PALD1: variants seen among roughly 807,000 people sequenced by gnomAD.
PALD1 encodes paladin.
In PALD1, 57 loss-of-function variants were observed where a neutral mutation model predicts 96.0. The observed-to-expected ratio is 0.59, with a 90% confidence interval of 0.48 to 0.74. The LOEUF (loss-of-function observed/expected upper bound fraction) is 0.74. PALD1 is among the 30% of genes least tolerant of loss of function. PALD1 has a pLI of 0.00. For synonymous variants in PALD1, 464 were observed against 473.6 expected (o/e 0.98, Z 0.26); for missense variants, 1,063 against 1,143.7 (o/e 0.93, Z 1.02).
intron 1 of PALD1, among the ~76,000 whole-genome samples, chr10:70,495,047 T>C (rs1846166869): frequency 6.6e-6 from 1 of 152,202 alleles, no homozygotes; most frequent in African/African-American, 2.4e-5. Context: ...CAAGGCTGTG[T>C]GCACAAGGAT....
intron 1 of PALD1, among the ~76,000 whole-genome samples, chr10:70,492,226 C>T (rs1165666480): frequency 6.6e-6 from 1 of 152,090 alleles, no homozygotes; most frequent in African/African-American, 2.4e-5. Context: ...TACTAAAAAT[C>T]ATTAAGTCAT....
chr10:70,524,601 T>C (rs909461050), intron 1 of PALD1, among the ~76,000 whole-genome samples: 7 of 152,240 alleles, frequency 4.6e-5, no homozygotes, highest in Admixed American at 4.6e-4. Flanking sequence ...TAACTCATGC[T>C]AGCATCCTGG....
upstream of PALD1, among the ~76,000 whole-genome samples, chr10:70,478,021 C>T (rs112704275): frequency 0.017 from 2,625 of 151,628 alleles, 79 homozygotes; most frequent in African/African-American, 0.059. Flanking sequence ...TAGTGCTAGT[C>T]CGCGCGTGTG....
chr10:70,464,466 G>A, the PALD1 span, among the ~76,000 whole-genome samples: 4 of 151,536 alleles, frequency 2.6e-5, no homozygotes, highest in Non-Finnish European at 5.9e-5. Context: ...CAGCCACCTC[G>A]GCCTCCCAAA....
rs1488516619 is a variant in PALD1 at position 70,554,595 on chromosome 10, C to T, written c.2262+7149C>T. On this transcript the variant is annotated intron_variant, in intron 18 of 19. Coordinates refer to ENST00000263563, the MANE Select transcript of PALD1 (RefSeq NM_014431.3). ...GGGCGGTGACACCCGCAGCAGACTT[C>T]GTTGTTTCCTTTTGGGCTTGGAAAG... Among the ~76,000 whole-genome samples, 8 of 152,230 alleles carry T rather than the reference C, an allele frequency of 5.3e-5. No homozygotes were observed. The East Asian group carries it at 5.8e-4, about 11-fold the overall frequency.
At chr10:70,513,989 C>T (rs1846571158) in intron 1 of PALD1, among the ~76,000 whole-genome samples, 3 of 152,220 alleles carry the variant, frequency 2.0e-5, no homozygotes, top group Non-Finnish European at 2.9e-5. Flanking sequence ...GAGGCTTCCC[C>T]CTGCTCTCTG....
intron 17 of PALD1, among the ~76,000 whole-genome samples, chr10:70,544,630 AC>A (rs1179030766): frequency 4.6e-5 from 7 of 152,130 alleles, no homozygotes; most frequent in African/African-American, 1.7e-4. Flanking sequence ...TGCAGTAGTG[AC>A]AGCTGTCGAT....
At position 70,530,000 on chromosome 10, in the gene PALD1, G is replaced by A. The variant is rs777517892; in HGVS notation, c.400G>A (p.Gly134Ser). The change falls in exon 4 of 20, where the codon GGC (glycine) becomes AGC (serine). Residue 134 changes from glycine to serine, a missense_variant. Physicochemically the swap from Gly to Ser is moderately conservative, Grantham distance 56 (BLOSUM62 0). Transcript: ENST00000263563. ...GGTGCAGGGTGGGCTCACTGTGTTC[G>A]GCATGGGACAGCCCAGCCTCTCAGG... ...RQVQGGLTVF[G>S]MGQPSLSGFR... 3.3e-5 allele frequency: 53 copies of A among 1,604,464 alleles called. No homozygotes were observed. The highest frequency in any genetic ancestry group is 4.5e-5 in the Non-Finnish European group (53 of 1,175,774).
At chr10:70,556,464 C>T (rs374447240) in intron 18 of PALD1, among the ~76,000 whole-genome samples, 2 of 152,066 alleles carry the variant, frequency 1.3e-5, no homozygotes, top group African/African-American at 2.4e-5. Flanking sequence ...TACAGAGATG[C>T]GCCACCAGGC....
At chr10:70,518,473 C>T (rs988744853) in intron 1 of PALD1, among the ~76,000 whole-genome samples, 1 of 152,170 alleles carries the variant, frequency 6.6e-6, no homozygotes, top group African/African-American at 2.4e-5. Context: ...TATGTGAGTT[C>T]CAGTTACTCA....
intron 1 of PALD1, among the ~76,000 whole-genome samples, chr10:70,511,996 C>T (rs1468804821): frequency 6.6e-6 from 1 of 152,042 alleles, no homozygotes; most frequent in African/African-American, 2.4e-5. Context: ...CATTGCACTC[C>T]AGCCTGGAGA....
chr10:70,538,327 C>T lies in PALD1; in HGVS notation c.1371C>T (p.His457=), dbSNP rs777021619. 2 of 1,607,380 alleles carry T rather than the reference C, an allele frequency of 1.2e-6. No individual in the cohort carries two copies. The highest frequency in any genetic ancestry group is 2.2e-5 in the South Asian group (2 of 91,084). ...GTTTCAGCCGCTGGCTGTGTGCCCACCCTGAGCTGTACCGCCTGCCCGTGA... is the reference window on the plus strand; with the variant it reads ...GTTTCAGCCGCTGGCTGTGTGCCCATCCTGAGCTGTACCGCCTGCCCGTGA... The part of the protein sequence containing the change: ...ALSFSRWLCA[H]PELYRLPVTL... The change falls in exon 12 of 20, where the codon CAC becomes CAT. Residue 457 remains histidine (H), a synonymous_variant. Coordinates refer to ENST00000263563, the MANE Select transcript of PALD1 (RefSeq NM_014431.3).
At chr10:70,462,111 C>T in the PALD1 span, among the ~76,000 whole-genome samples, 1 of 152,208 alleles carries the variant, frequency 6.6e-6, no homozygotes, top group African/African-American at 2.4e-5. Context: ...TGATTATCTA[C>T]CTGCATGTCC....
intron 19 of PALD1, among the ~76,000 whole-genome samples, chr10:70,565,252 A>G (rs923715201): frequency 6.6e-6 from 1 of 152,164 alleles, no homozygotes; most frequent in Non-Finnish European, 1.5e-5. Flanking sequence ...ATCCTGACCT[A>G]AGACACCTCC....
intron 1 of PALD1, among the ~76,000 whole-genome samples, chr10:70,505,156 A>G (rs1846360675): frequency 6.6e-6 from 1 of 152,242 alleles, no homozygotes; most frequent in South Asian, 2.1e-4. Flanking sequence ...TGTTTTCAGC[A>G]GCTTTTGAAC....
chr10:70,565,511 A>G (rs1004896587), intron 19 of PALD1, among the ~76,000 whole-genome samples: 1 of 152,164 alleles, frequency 6.6e-6, no homozygotes, highest in Non-Finnish European at 1.5e-5. Flanking sequence ...GGGTGGGTGG[A>G]GAGCAGGGGC....
chr10:70,501,056 C>T (rs1846283999), intron 1 of PALD1, among the ~76,000 whole-genome samples: 1 of 152,186 alleles, frequency 6.6e-6, no homozygotes, highest in South Asian at 2.1e-4. Flanking sequence ...AAGGTCACTT[C>T]CTGTCTGGAT....
chr10:70,547,046 T>C (rs946052451), intron 17 of PALD1, among the ~76,000 whole-genome samples: 1 of 152,196 alleles, frequency 6.6e-6, no homozygotes, highest in Non-Finnish European at 1.5e-5. Flanking sequence ...ACAAATTCAA[T>C]GTCTGTGTAC....
At chr10:70,553,182 A>G (rs1332133484) in intron 18 of PALD1, among the ~76,000 whole-genome samples, 2 of 152,126 alleles carry the variant, frequency 1.3e-5, no homozygotes, top group Non-Finnish European at 2.9e-5. Context: ...CATTCCATCT[A>G]CATTAATTAA....
Sources: allele counts gnomAD v4.1 joint callset (sites outside exome capture counted in the v4.1 genomes callset), GRCh38; gene constraint gnomAD v4.1.1; transcripts MANE v1.5; gene names NCBI Gene and HGNC (gene_info 2026-07-23, HGNC 2026-07-21).